The following BAHCC1 variants were observed in gnomAD, a reference collection of about 807,000 sequenced individuals.
BAHCC1 encodes the protein BAH and coiled-coil domain-containing protein 1.
BAHCC1 carries 43 observed loss-of-function variants against 88.2 expected under a neutral mutation model. The observed-to-expected ratio is 0.49, with a 90% CI of 0.38 to 0.63. BAHCC1 has a LOEUF of 0.63. Ranked by LOEUF, BAHCC1 falls within the 20% of genes least tolerant of loss-of-function variation. BAHCC1 has a pLI of 0.00. For synonymous variants in BAHCC1, 1,510 were observed against 745.5 expected (o/e 2.03, Z -16.71); for missense variants, 3,023 against 1,654.8 (o/e 1.83, Z -14.34).
chr17:81,418,580 A>C (rs2064065246), intron 2 of BAHCC1, among the ~76,000 whole-genome samples: 1 of 152,134 alleles, frequency 6.6e-6, no homozygotes, highest in Non-Finnish European at 1.5e-5. Context: ...GTGCCGCTTC[A>C]ATGCCACCTT....
chr17:81,422,058 C>T (rs962455097), intron 2 of BAHCC1: 14 of 281,368 alleles, frequency 5.0e-5, no homozygotes, highest in Admixed American at 2.9e-4. Flanking sequence ...GTCATCCAGG[C>T]GGGAGGGCAG....
At chr17:81,426,477 G>A (rs2064201482) in intron 2 of BAHCC1, among the ~76,000 whole-genome samples, 2 of 150,818 alleles carry the variant, frequency 1.3e-5, no homozygotes, top group East Asian at 1.9e-4. Context: ...GGGGGTGATA[G>A]TGGTGGGTGA....
At chr17:81,428,755 C>T (rs2064228254) in intron 3 of BAHCC1, among the ~76,000 whole-genome samples, 1 of 152,248 alleles carries the variant, frequency 6.6e-6, no homozygotes, top group Non-Finnish European at 1.5e-5. Context: ...TCCCCTTGTG[C>T]CAACGGCTGC....
Position 81,458,885 on chromosome 17 carries a change from A to C in BAHCC1, c.5521A>C (p.Ser1841Arg), listed in dbSNP as rs782023832. ...VEEDFEFDDN[S>R]SFSEEEEDEE... ...GGAAGACTTTGAGTTCGACGACAAC[A>C]GCAGCTTCTCGGAAGAGGAGGAGGA... The change falls in exon 20 of 28, where the codon AGC becomes CGC. Residue 1841 changes from serine (S) to arginine (R), a missense_variant. Physicochemically the swap from Ser to Arg is moderately radical, Grantham distance 110 (BLOSUM62 -1). Coordinates refer to ENST00000675386, the MANE Select transcript of BAHCC1 (RefSeq NM_001377448.1). 1.3e-6 allele frequency: 1 copy of C among 774,924 alleles called. No homozygotes were observed. Among genetic ancestry groups the C allele is most frequent in the African/African-American group, 1.7e-5 (1 of 59,190 alleles). The allele number at this position is 774,924 out of a possible 1,614,324, so 48.0% of individuals were successfully genotyped here. A position where few individuals can be genotyped will look rare whatever the true frequency, so the allele number is the denominator to read the frequency against.
At chr17:81,426,259 CGTGGGTGATGTGGTTGGGGGTGATTGTG>C (rs2064196933) in intron 2 of BAHCC1, among the ~76,000 whole-genome samples, 4 of 41,294 alleles carry the variant, frequency 9.7e-5, no homozygotes, top group Admixed American at 3.7e-4. Context: ...TGGTAATAGT[CGTGGGTGATGTGGTTGGGGGTGATTGTG>C]GTGGGTGATG....
In BAHCC1 at chr17:81,416,475, G is replaced by GTGTA. The variant is rs1443267647; in HGVS notation, c.179-10322_179-10321insATGT. On this transcript the variant is annotated intron_variant, in intron 2 of 27. Coordinates refer to ENST00000675386, the MANE Select transcript of BAHCC1 (RefSeq NM_001377448.1). ...GTCCATTGAGGGTGTGTGTGTGTGT[G>GTGTA]TGTGTCCATGAGGATGGGTGTGTGC... Among the ~76,000 whole-genome samples, 702 of 149,136 alleles carry GTGTA rather than the reference G, an allele frequency of 4.7e-3. 7 individuals carry two copies. The highest frequency in any genetic ancestry group is 8.5e-3 in the Non-Finnish European group (570 of 67,434).
At chr17:81,454,632 C>T (rs2064711803) in intron 14 of BAHCC1, among the ~76,000 whole-genome samples, 1 of 144,380 alleles carries the variant, frequency 6.9e-6, no homozygotes, top group African/African-American at 2.5e-5. Context: ...AATGTGGGTG[C>T]AGTTCTCACA....
At position 81,399,841 on chromosome 17, in the gene BAHCC1, G is replaced by T. The variant is rs1555645711; in HGVS notation, c.102G>T (p.Gly34=). ...AAAAARLAPA[G]PAAQPPAHFQ... is the part of the protein sequence containing the mutation. ...CCGCCGCGCGTCTCGCCCCGGCTGG[G>T]CCCGCCGCGCAGCCCCCCGCACACT... The change falls in exon 2 of 28, where the codon GGG becomes GGT. Residue 34 remains glycine (G), a synonymous_variant. Transcript: ENST00000675386. This position sits in a 1 kb window ranked among gnomAD's most constrained non-coding sequence, Gnocchi z 4.5. The T allele has an allele frequency of 1.5e-6, 2 of 1,364,598 alleles. No homozygotes were observed. The highest frequency in any genetic ancestry group is 1.5e-5 in the African/African-American group (1 of 65,364). 84.5% of individuals were successfully genotyped at this position (1,364,598 alleles called of 1,614,324 possible). A position where few individuals can be genotyped will look rare whatever the true frequency, so the allele number is the denominator to read the frequency against.
rs2063956803 is a variant in BAHCC1, at chr17:81,411,673, C to A, written c.178+11756C>A. The A allele has an allele frequency of 1.5e-5, 5 of 338,648 alleles. No individual in the cohort carries two copies. The highest frequency in any genetic ancestry group is 2.9e-5 in the Non-Finnish European group (5 of 171,590). The allele number at this position is 338,648 out of a possible 1,614,324, so 21.0% of individuals were successfully genotyped here. On this transcript the variant is annotated intron_variant, in intron 2 of 27. Coordinates refer to ENST00000675386, the MANE Select transcript of BAHCC1 (RefSeq NM_001377448.1). The surrounding 1 kb of genome is among the most constrained non-coding windows in gnomAD (Gnocchi z 6.2). ...GGTTTGGGGCATTCCAGACCTGAGGCCCTCCAGGCAGCTCCCCTTCCACTC... is the reference window on the plus strand; with the variant it reads ...GGTTTGGGGCATTCCAGACCTGAGGACCTCCAGGCAGCTCCCCTTCCACTC...
Position 81,461,535 on chromosome 17 carries a change from CCTT to C in BAHCC1, c.6875_6877del (p.Phe2292del), listed in dbSNP as rs1277475694. ...CCCTACGACAGCGACTGCCACAGCT[CCTT>C]CTCGGACGAGGACGAGGACGGGCCG... On this transcript the variant is annotated inframe_deletion, in exon 26 of 28. Coordinates refer to ENST00000675386, the MANE Select transcript of BAHCC1 (RefSeq NM_001377448.1). 4.1e-6 allele frequency: 3 copies of C among 733,710 alleles called. No homozygotes were observed. The highest frequency in any genetic ancestry group is 1.9e-5 in the Admixed American group (1 of 52,206). 45.4% of individuals were successfully genotyped at this position (733,710 alleles called of 1,614,324 possible).
chr17:81,400,119 G>C, intron 2 of BAHCC1, among the ~76,000 whole-genome samples: 1 of 151,898 alleles, frequency 6.6e-6, no homozygotes, highest in Admixed American at 6.5e-5. Flanking sequence ...CCCTTCCCTG[G>C]CCACCCTCCC....
chr17:81,446,281 T>C (rs1555654299), intron 10 of BAHCC1, among the ~76,000 whole-genome samples: 1 of 152,118 alleles, frequency 6.6e-6, no homozygotes, highest in East Asian at 1.9e-4. Flanking sequence ...CCTTCGTTTT[T>C]TTTTTCTTTT....
In BAHCC1 at chr17:81,452,729, C is replaced by T. The variant is rs782729211; in HGVS notation, c.4323C>T (p.Asp1441=). The part of the protein sequence containing the change: ...RLQRKHDHER[D]ESSRSPARRG... ...TCCCCCCTGCGGCCCCCAGGAGAGA[C>T]GAGAGTTCACGGAGCCCTGCACGGC... Residue 1441 remains aspartate (D), a synonymous_variant, in exon 14 of 28, where the codon GAC becomes GAT. Coordinates refer to ENST00000675386, the MANE Select transcript of BAHCC1 (RefSeq NM_001377448.1). 6.6e-6 allele frequency: 5 copies of T among 752,298 alleles called. No individual in the cohort carries two copies. Among genetic ancestry groups the T allele is most frequent in the South Asian group, 2.8e-5 (2 of 71,642 alleles). The allele number at this position is 752,298 out of a possible 1,614,324, so 46.6% of individuals were successfully genotyped here.
chr17:81,408,241 C>T (rs567939246), intron 2 of BAHCC1, among the ~76,000 whole-genome samples: 4 of 152,282 alleles, frequency 2.6e-5, no homozygotes, highest in South Asian at 4.1e-4. Context: ...GGTCTGGTCC[C>T]GGGCCTGCCC....
At chr17:81,433,865 G>A (rs1190365686) in intron 3 of BAHCC1, among the ~76,000 whole-genome samples, 3 of 152,210 alleles carry the variant, frequency 2.0e-5, no homozygotes, top group Non-Finnish European at 4.4e-5. Flanking sequence ...GGCGGTCATC[G>A]GGTAGACCCG....
At chr17:81,414,271 C>T (rs1315424262) in intron 2 of BAHCC1, among the ~76,000 whole-genome samples, 1 of 152,218 alleles carries the variant, frequency 6.6e-6, no homozygotes, top group East Asian at 1.9e-4. Context: ...CAATGCCTGG[C>T]GCCCTGGCCT....
At chr17:81,441,316 C>T (rs1246802688) in intron 4 of BAHCC1, among the ~76,000 whole-genome samples, 1 of 152,016 alleles carries the variant, frequency 6.6e-6, no homozygotes, top group African/African-American at 2.4e-5. Flanking sequence ...AACTGTGCAC[C>T]AAAAATGGGA....
chr17:81,447,995 C>T, intron 11 of BAHCC1, 147 bp downstream of exon 11: 2 of 624,192 alleles, frequency 3.2e-6, no homozygotes, highest in South Asian at 3.7e-5. Context: ...GTCCGCCTCC[C>T]CTTGCCGTCC....
chr17:81,435,500 G>A lies in BAHCC1; in HGVS notation c.359-2870G>A, dbSNP rs2064323142. 1 of 470,834 alleles carries A rather than the reference G, an allele frequency of 2.1e-6. No individual in the cohort carries two copies. Among genetic ancestry groups the A allele is most frequent in the Non-Finnish European group, 4.4e-6 (1 of 226,916 alleles). The allele number at this position is 470,834 out of a possible 1,614,324, so 29.2% of individuals were successfully genotyped here. A position where few individuals can be genotyped will look rare whatever the true frequency, so the allele number is the denominator to read the frequency against. On this transcript the variant is annotated intron_variant, in intron 3 of 27. Coordinates refer to ENST00000675386, the MANE Select transcript of BAHCC1 (RefSeq NM_001377448.1). The surrounding 1 kb of genome is among the most constrained non-coding windows in gnomAD (Gnocchi z 4.4). ...CTCTCTGGCGGTTCGCTTAGCCCAG[G>A]GCTTGCCCTTGTCTGTTGGGGTGAT...
Sources: allele counts gnomAD v4.1 joint callset (sites outside exome capture counted in the v4.1 genomes callset), GRCh38; gene constraint gnomAD v4.1.1; non-coding constraint Gnocchi (gnomAD v3.1); transcripts MANE v1.5; gene names NCBI Gene and HGNC (gene_info 2026-07-23, HGNC 2026-07-21).